The following TASP1 variants were observed in gnomAD, a reference collection of about 807,000 sequenced individuals.
TASP1 encodes the protein taspase 1.
Under a neutral mutation model 56.6 loss-of-function variants are expected in TASP1, and 16 were observed. The observed-to-expected ratio is 0.28, with a 90% CI of 0.19 to 0.43. The LOEUF (loss-of-function observed/expected upper bound fraction) is 0.43, where lower values mean the gene tolerates loss of function less well. Among genes scored for constraint, TASP1 ranks in the 20% least tolerant of loss-of-function variants. The pLI, the probability that TASP1 is intolerant of heterozygous loss-of-function variation, is 1.00. For synonymous variants in TASP1, 179 were observed against 184.2 expected (o/e 0.97, Z 0.23); for missense variants, 393 against 511.6 (o/e 0.77, Z 2.24).
Position 13,626,963 on chromosome 20 carries a change from A to C in TASP1, c.146-1711T>G, listed in dbSNP as rs1026961249. Among the ~76,000 whole-genome samples, 24 of 140,000 alleles carry C rather than the reference A, an allele frequency of 1.7e-4. No homozygotes were observed. In the Admixed American group the frequency reaches 2.0e-3, roughly 12 times the overall value. The allele number at this position is 140,000 out of a possible 152,430, so 91.8% of individuals were successfully genotyped here. A position where few individuals can be genotyped will look rare whatever the true frequency, so the allele number is the denominator to read the frequency against. ...ACACTTGCTAATTTCCCTGTTTAACAATGGAAAGGCAGGCTCAGGATCCAA... is the reference window on the plus strand; with the variant it reads ...ACACTTGCTAATTTCCCTGTTTAACCATGGAAAGGCAGGCTCAGGATCCAA... On this transcript the variant is annotated intron_variant, in intron 2 of 13. Transcript: ENST00000337743.
chr20:13,355,918 C>T, the TASP1 span, among the ~76,000 whole-genome samples: 1 of 152,126 alleles, frequency 6.6e-6, no homozygotes, highest in Admixed American at 6.5e-5. Flanking sequence ...TCATAGGACT[C>T]CTCATATTGG....
At chr20:13,371,730 A>G in the TASP1 span, among the ~76,000 whole-genome samples, 15 of 152,218 alleles carry the variant, frequency 9.9e-5, no homozygotes, top group Non-Finnish European at 2.1e-4. Flanking sequence ...ATTCTATCCA[A>G]TATTTAAAGT....
At chr20:13,265,857 G>A in the TASP1 span, among the ~76,000 whole-genome samples, 1 of 152,058 alleles carries the variant, frequency 6.6e-6, no homozygotes, top group Non-Finnish European at 1.5e-5. Flanking sequence ...ACATATGGAG[G>A]TCACCATTCC....
chr20:13,224,845 T>C, the TASP1 span, among the ~76,000 whole-genome samples: 6 of 140,070 alleles, frequency 4.3e-5, no homozygotes, highest in Admixed American at 7.0e-5. Flanking sequence ...TTCTTTCTTT[T>C]TTTTTTTTTT....
chr20:13,510,462 A>G (rs544953777), intron 10 of TASP1, among the ~76,000 whole-genome samples: 1 of 152,296 alleles, frequency 6.6e-6, no homozygotes, highest in Admixed American at 6.5e-5. Context: ...TTTATCTACT[A>G]TATTTGATTT....
At chr20:13,403,878 T>C (rs2041826378) in intron 13 of TASP1, among the ~76,000 whole-genome samples, 2 of 152,028 alleles carry the variant, frequency 1.3e-5, no homozygotes, top group Admixed American at 1.3e-4. Flanking sequence ...CAAGAGCCTA[T>C]CTCGTAAAAA....
chr20:13,216,010 G>A, the TASP1 span, among the ~76,000 whole-genome samples: 168 of 152,286 alleles, frequency 1.1e-3, 1 homozygote, highest in Non-Finnish European at 2.0e-3. Context: ...TTTCCTTGAG[G>A]GCTTCCAGTT....
intron 13 of TASP1, among the ~76,000 whole-genome samples, chr20:13,412,383 T>C (rs1902045534): frequency 6.6e-6 from 1 of 152,216 alleles, no homozygotes. Context: ...TTCTGGAATT[T>C]AGTTTACTTA....
At chr20:13,546,271 A>G (rs2045806865) in intron 8 of TASP1, among the ~76,000 whole-genome samples, 1 of 152,144 alleles carries the variant, frequency 6.6e-6, no homozygotes, top group Non-Finnish European at 1.5e-5. Context: ...ATCAAAGCCC[A>G]TGCACTTCTC....
chr20:13,205,345 T>C, the TASP1 span, among the ~76,000 whole-genome samples: 2 of 152,190 alleles, frequency 1.3e-5, no homozygotes, highest in African/African-American at 4.8e-5. Context: ...CAAAATCAAG[T>C]GTCTGTTCAA....
intron 12 of TASP1, among the ~76,000 whole-genome samples, chr20:13,422,073 T>A (rs2042459004): frequency 6.6e-6 from 1 of 150,692 alleles, no homozygotes; most frequent in African/African-American, 2.4e-5. Context: ...TGCCTCAGCC[T>A]CCCTAGTAGC....
At chr20:13,298,071 T>G in the TASP1 span, among the ~76,000 whole-genome samples, 2 of 152,066 alleles carry the variant, frequency 1.3e-5, no homozygotes, top group African/African-American at 2.4e-5. Context: ...CATCACTTAT[T>G]TCTTTATATT....
intron 10 of TASP1, among the ~76,000 whole-genome samples, chr20:13,527,553 A>G (rs923736677): frequency 6.6e-6 from 1 of 152,166 alleles, no homozygotes; most frequent in African/African-American, 2.4e-5. Flanking sequence ...GAAATAGACA[A>G]CAACCATTCT....
At chr20:13,498,340 T>C (rs1196126577) in intron 10 of TASP1, among the ~76,000 whole-genome samples, 1 of 94,734 alleles carries the variant, frequency 1.1e-5, no homozygotes, top group East Asian at 3.2e-4. Context: ...TTTGTGTGTG[T>C]GTGTGTGTGT....
chr20:13,373,145 A>G, the TASP1 span, among the ~76,000 whole-genome samples: 1 of 152,000 alleles, frequency 6.6e-6, no homozygotes, highest in Non-Finnish European at 1.5e-5. Flanking sequence ...ATCATCTAGT[A>G]TCATTTCCTC....
chr20:13,520,567 C>T lies in TASP1; in HGVS notation c.874+7866G>A, dbSNP rs112971616. Among the ~76,000 whole-genome samples, 563 of 152,162 alleles carry T rather than the reference C, an allele frequency of 3.7e-3. 4 individuals carry two copies. The highest frequency in any genetic ancestry group is 5.6e-3 in the Non-Finnish European group (381 of 68,022). On this transcript the variant is annotated intron_variant, in intron 10 of 13. Coordinates refer to ENST00000337743, the MANE Select transcript of TASP1 (RefSeq NM_017714.3). ...AATGGTGCTGGGAAAACTGGCTAGC[C>T]GTATGTAGAAGGCTGAAACTGGATC...
chr20:13,546,042 T>C (rs779132756), intron 8 of TASP1, among the ~76,000 whole-genome samples: 3 of 152,210 alleles, frequency 2.0e-5, no homozygotes, highest in Admixed American at 1.3e-4. Context: ...ATGATTTCTT[T>C]TTATTGTTTA....
At chr20:13,558,706 C>T (rs576064190) in intron 8 of TASP1, among the ~76,000 whole-genome samples, 25 of 152,026 alleles carry the variant, frequency 1.6e-4, no homozygotes, top group East Asian at 9.7e-4. Flanking sequence ...ATACTAAAAA[C>T]GATAATGTAA....
intron 8 of TASP1, among the ~76,000 whole-genome samples, chr20:13,556,532 A>C (rs555128646): frequency 6.6e-6 from 1 of 152,272 alleles, no homozygotes; most frequent in African/African-American, 2.4e-5. Context: ...AAATTCTTGA[A>C]TAAAATTATT....
Sources: allele counts gnomAD v4.1 joint callset (sites outside exome capture counted in the v4.1 genomes callset), GRCh38; gene constraint gnomAD v4.1.1; transcripts MANE v1.5; gene names NCBI Gene and HGNC (gene_info 2026-07-23, HGNC 2026-07-21).